Variants in KCNQ1 observed in about 807,000 individuals in gnomAD.
KCNQ1 encodes potassium voltage-gated channel subfamily Q member 1, also known as potassium voltage-gated channel subfamily KQT member 1.
KCNQ1 carries 49 observed loss-of-function variants against 72.4 expected under a neutral mutation model. The observed-to-expected ratio is 0.68, with a 90% CI of 0.54 to 0.86. The LOEUF (loss-of-function observed/expected upper bound fraction) is 0.86. KCNQ1 is among the 40% of genes least tolerant of loss of function. KCNQ1 has a pLI of 0.00. For missense variants in KCNQ1, 790 were observed against 945.1 expected (o/e 0.84, Z 2.15); for synonymous variants, 450 against 412.6 (o/e 1.09, Z -1.10).
chr11:2,524,022 T>A (rs1847448608), intron 1 of KCNQ1, among the ~76,000 whole-genome samples: 1 of 151,998 alleles, frequency 6.6e-6, no homozygotes, highest in East Asian at 1.9e-4. Context: ...GTGAACAAGT[T>A]AGGTTGTGTG....
rs549565801 is a variant in KCNQ1, at chr11:2,448,469, T to C, written c.386+2985T>C. On this transcript the variant is annotated intron_variant, in intron 1 of 15. Transcript: ENST00000155840. ...GCTGCCTCCCCAAAAGACAAGGCCA[T>C]GCAGAGCCAGCTCTCAGGGTGCAGC... Among the ~76,000 whole-genome samples the C allele has an allele frequency of 5.5e-4, 84 of 152,344 alleles. 2 individuals are homozygous for C. In the South Asian group the frequency reaches 0.017, roughly 31 times the overall value.
At chr11:2,634,077 G>A (rs771326173) in intron 10 of KCNQ1, 2 of 396,750 alleles carry the variant, frequency 5.0e-6, no homozygotes, top group Admixed American at 4.4e-5. Context: ...GGTCTTTTGT[G>A]GTTCCATGCA....
intron 11 of KCNQ1, among the ~76,000 whole-genome samples, chr11:2,744,962 G>A (rs1370946813): frequency 6.6e-6 from 1 of 152,166 alleles, no homozygotes; most frequent in Non-Finnish European, 1.5e-5. Context: ...ATACAAGGGT[G>A]TGTGATCGGG....
At position 2,446,341 on chromosome 11, in the gene KCNQ1, C is replaced by T. The variant is rs924404289; in HGVS notation, c.386+857C>T. Among the ~76,000 whole-genome samples, 6 of 152,216 alleles carry T rather than the reference C, an allele frequency of 3.9e-5. No individual in the cohort carries two copies. Among genetic ancestry groups the T allele is most frequent in the Middle Eastern group, 3.2e-3 (1 of 316 alleles). The stretch of plus-strand genomic sequence containing the variant: ...CCCTACTTCCTGGCTGCCCAGCCAG[C>T]GGCCTTTTGGTGTGGTGCCAGCCTC... On this transcript the variant is annotated intron_variant, in intron 1 of 15. Coordinates refer to ENST00000155840, the MANE Select transcript of KCNQ1 (RefSeq NM_000218.3). The surrounding 1 kb of genome is among the most constrained non-coding windows in gnomAD (Gnocchi z 8.8).
Position 2,613,180 on chromosome 11 carries a change from A to G in KCNQ1, c.1393+24326A>G, listed in dbSNP as rs1849009132. On this transcript the variant is annotated intron_variant, in intron 10 of 15. Coordinates refer to ENST00000155840, the MANE Select transcript of KCNQ1 (RefSeq NM_000218.3). This position sits in a 1 kb window ranked among gnomAD's most constrained non-coding sequence, Gnocchi z 4.8. The stretch of plus-strand genomic sequence containing the variant: ...GGGTTGGGACATTCAAAGTTCAGGC[A>G]CTTTATAACTCTGTCCTGTATTTTA... 2.5e-6 allele frequency: 1 copy of G among 398,428 alleles called. No homozygotes were observed. The highest frequency in any genetic ancestry group is 4.4e-6 in the Non-Finnish European group (1 of 226,056). The allele number at this position is 398,428 out of a possible 1,614,324, so 24.7% of individuals were successfully genotyped here. A position where few individuals can be genotyped will look rare whatever the true frequency, so the allele number is the denominator to read the frequency against.
At position 2,671,089 on chromosome 11, in the gene KCNQ1, T is replaced by C; in HGVS notation, c.1514+9008T>C. On this transcript the variant is annotated intron_variant, in intron 11 of 15. Coordinates refer to ENST00000155840, the MANE Select transcript of KCNQ1 (RefSeq NM_000218.3). The surrounding 1 kb of genome is among the most constrained non-coding windows in gnomAD (Gnocchi z 4.7). ...GTAGTGACTGGCTAGCAGGAGGAAG[T>C]CTGGCAGTTAGTCTGAGCAGTTAGT... 2 of 376,002 alleles carry C rather than the reference T, an allele frequency of 5.3e-6. No individual in the cohort carries two copies. 23.3% of individuals were successfully genotyped at this position (376,002 alleles called of 1,614,324 possible).
chr11:2,709,035 T>C (rs1010038246), intron 11 of KCNQ1, among the ~76,000 whole-genome samples: 7 of 152,152 alleles, frequency 4.6e-5, no homozygotes, highest in African/African-American at 1.7e-4. Flanking sequence ...AAACTCCGTG[T>C]GCAAATTACC....
intron 11 of KCNQ1, chr11:2,688,980 G>A (rs1303687912): frequency 2.5e-6 from 1 of 398,650 alleles, no homozygotes; most frequent in Non-Finnish European, 4.4e-6. Flanking sequence ...GGTCTGATCT[G>A]GAGAGCAGGG....
chr11:2,535,804 G>A (rs1847721993), intron 2 of KCNQ1, among the ~76,000 whole-genome samples: 1 of 152,244 alleles, frequency 6.6e-6, no homozygotes, highest in Admixed American at 6.5e-5. Context: ...GCTTTGCTGG[G>A]CGTAGGATCA....
In KCNQ1 at chr11:2,610,773, C is replaced by T. The variant is rs1848968517; in HGVS notation, c.1393+21919C>T. The T allele has an allele frequency of 1.0e-5, 3 of 295,100 alleles. No individual in the cohort carries two copies. In the South Asian group the frequency reaches 4.8e-4, roughly 47 times the overall value. 18.3% of individuals were successfully genotyped at this position (295,100 alleles called of 1,614,324 possible). ...TTTGAGCACTTGGGATCTGTTACCCCACTACTTTCTGGGTACCACTGTTTC... is the reference window on the plus strand; with the variant it reads ...TTTGAGCACTTGGGATCTGTTACCCTACTACTTTCTGGGTACCACTGTTTC... On this transcript the variant is annotated intron_variant, in intron 10 of 15. Transcript: ENST00000155840.
At position 2,477,829 on chromosome 11, in the gene KCNQ1, C is replaced by T. The variant is rs1311730885; in HGVS notation, c.386+32345C>T. Among the ~76,000 whole-genome samples the T allele has an allele frequency of 6.6e-6, 1 of 151,528 alleles. No individual in the cohort carries two copies. Among genetic ancestry groups the T allele is most frequent in the African/African-American group, 2.4e-5 (1 of 41,252 alleles). ...AAAAGAATCTATGCATCCACAGGGA[C>T]ACACCCATGTATATAAACAAATAAG... On this transcript the variant is annotated intron_variant, in intron 1 of 15. Coordinates refer to ENST00000155840, the MANE Select transcript of KCNQ1 (RefSeq NM_000218.3). This position sits in a 1 kb window ranked among gnomAD's most constrained non-coding sequence, Gnocchi z 5.0.
chr11:2,706,977 T>C (rs1418120060), intron 11 of KCNQ1, among the ~76,000 whole-genome samples: 6 of 152,052 alleles, frequency 3.9e-5, no homozygotes, highest in African/African-American at 1.4e-4. Context: ...ATTTAGGAAA[T>C]GTAACGGGTG....
chr11:2,588,250 C>T lies in KCNQ1; in HGVS notation c.1252-463C>T, dbSNP rs552208388. ...GCCCACCCCCTGTGGAGAGACCTGG[C>T]CTTCCCAGTTTCCAGCTGCCGGTGG... On this transcript the variant is annotated intron_variant, in intron 9 of 15. Transcript: ENST00000155840. This position sits in a 1 kb window ranked among gnomAD's most constrained non-coding sequence, Gnocchi z 5.6. Among the ~76,000 whole-genome samples, 1 of 152,200 alleles carries T rather than the reference C, an allele frequency of 6.6e-6. No homozygotes were observed. Among genetic ancestry groups the T allele is most frequent in the Non-Finnish European group, 1.5e-5 (1 of 67,992 alleles).
intron 11 of KCNQ1, chr11:2,694,278 A>T: frequency 2.5e-6 from 1 of 398,668 alleles, no homozygotes; most frequent in Non-Finnish European, 4.4e-6. Flanking sequence ...CACAGCAGAG[A>T]CACCATCCCA....
intron 11 of KCNQ1, among the ~76,000 whole-genome samples, chr11:2,756,204 C>T (rs1023364007): frequency 5.9e-5 from 9 of 152,118 alleles, no homozygotes; most frequent in South Asian, 2.1e-4. Flanking sequence ...GGTGTGTGGA[C>T]GAGTGAGAAT....
chr11:2,610,841 C>G (rs1848969521), intron 10 of KCNQ1: 1 of 385,688 alleles, frequency 2.6e-6, no homozygotes, highest in South Asian at 1.3e-4. Context: ...GACACCAGAA[C>G]AGGGGAGGGT....
rs1335332946 is a variant in KCNQ1, at chr11:2,494,350, C to T, written c.387-33578C>T. ...TGAATACTCTTTATTTTTTCGCTTG[C>T]CTTATTGTCCTGGCCAGAACTTCCA... On this transcript the variant is annotated intron_variant, in intron 1 of 15. Transcript: ENST00000155840. This position sits in a 1 kb window ranked among gnomAD's most constrained non-coding sequence, Gnocchi z 4.6. Among the ~76,000 whole-genome samples, 1 of 152,022 alleles carries T rather than the reference C, an allele frequency of 6.6e-6. No homozygotes were observed. Among genetic ancestry groups the T allele is most frequent in the Non-Finnish European group, 1.5e-5 (1 of 68,006 alleles).
chr11:2,715,905 G>A lies in KCNQ1; in HGVS notation c.1515-52939G>A, dbSNP rs907216434. Among the ~76,000 whole-genome samples the A allele has an allele frequency of 6.6e-6, 1 of 152,194 alleles. No individual in the cohort carries two copies. The highest frequency in any genetic ancestry group is 1.9e-4 in the East Asian group (1 of 5,180). Reference sequence around the variant, plus strand: ...CTTGGGTGATTGAGTGGGTAGAGGGGGTGGCCAGAGTGGGAACCATGGTGA... The same window carrying A: ...CTTGGGTGATTGAGTGGGTAGAGGGAGTGGCCAGAGTGGGAACCATGGTGA... On this transcript the variant is annotated intron_variant, in intron 11 of 15. Transcript: ENST00000155840. The surrounding 1 kb of genome is among the most constrained non-coding windows in gnomAD (Gnocchi z 4.9).
chr11:2,825,876 C>A (rs1847828685), intron 15 of KCNQ1, among the ~76,000 whole-genome samples: 1 of 152,174 alleles, frequency 6.6e-6, no homozygotes, highest in African/African-American at 2.4e-5. Context: ...CCCCTTTCCA[C>A]AGACACTTTA....
Sources: gnomAD v4.1 joint callset for allele counts (sites outside exome capture counted in the v4.1 genomes callset) on GRCh38, gnomAD v4.1.1 for gene constraint, Gnocchi (gnomAD v3.1) non-coding constraint, MANE v1.5 for transcripts, NCBI Gene and HGNC (gene_info 2026-07-23, HGNC 2026-07-21) for gene names.